RAB3C: variants seen among roughly 807,000 people sequenced by gnomAD.
RAB3C encodes the protein ras-related protein Rab-3C.
Under a neutral mutation model 26.4 loss-of-function variants are expected in RAB3C, and 17 were observed. The ratio of observed to expected loss-of-function variants is 0.64; its 90% CI spans 0.44 to 0.97. The LOEUF (loss-of-function observed/expected upper bound fraction) is 0.97, where lower values mean the gene tolerates loss of function less well. Ranked by LOEUF, RAB3C falls within the 50% of genes least tolerant of loss-of-function variation. The probability of loss-of-function intolerance (pLI) is 0.00; values close to 1 mark genes in which losing one functional copy is unlikely to be tolerated. For synonymous variants in RAB3C, 91 were observed against 95.9 expected (o/e 0.95, Z 0.30); for missense variants, 242 against 281.9 (o/e 0.86, Z 1.01).
chr5:58,815,341 G>A (rs1357565134), intron 3 of RAB3C, among the ~76,000 whole-genome samples: 2 of 152,124 alleles, frequency 1.3e-5, no homozygotes, highest in African/African-American at 4.8e-5. Flanking sequence ...CAAAATGAAG[G>A]TGCTGGACTG....
chr5:58,678,036 T>A (rs1439801315), intron 2 of RAB3C, among the ~76,000 whole-genome samples: 1 of 142,486 alleles, frequency 7.0e-6, no homozygotes, highest in African/African-American at 2.5e-5. Flanking sequence ...GGTACATATG[T>A]TGGGGAAGTG....
intron 2 of RAB3C, among the ~76,000 whole-genome samples, chr5:58,687,988 A>T (rs1748481646): frequency 6.6e-6 from 1 of 152,138 alleles, no homozygotes; most frequent in African/African-American, 2.4e-5. Flanking sequence ...ACACTAGATG[A>T]ATATGATATT....
At chr5:58,729,793 T>C (rs1197735894) in intron 3 of RAB3C, among the ~76,000 whole-genome samples, 1 of 146,364 alleles carries the variant, frequency 6.8e-6, no homozygotes, top group African/African-American at 2.5e-5. Context: ...TATATTTATA[T>C]TATATATACA....
intron 1 of RAB3C, among the ~76,000 whole-genome samples, chr5:58,590,625 C>A (rs891769724): frequency 6.6e-6 from 1 of 152,120 alleles, no homozygotes; most frequent in African/African-American, 2.4e-5. Context: ...TCATTGCAAT[C>A]TCTACCTCCT....
intron 2 of RAB3C, among the ~76,000 whole-genome samples, chr5:58,696,563 G>C (rs1290654668): frequency 6.6e-6 from 1 of 152,064 alleles, no homozygotes; most frequent in East Asian, 1.9e-4. Flanking sequence ...GACTCTTTTT[G>C]TTTGGTAGGC....
At chr5:58,757,965 G>A (rs1431181242) in intron 3 of RAB3C, among the ~76,000 whole-genome samples, 9 of 148,816 alleles carry the variant, frequency 6.0e-5, no homozygotes, top group African/African-American at 1.7e-4. Flanking sequence ...TTTTTGAGAC[G>A]GAGTCTCGCT....
At chr5:58,708,081 C>G (rs538713001) in intron 2 of RAB3C, among the ~76,000 whole-genome samples, 1 of 151,498 alleles carries the variant, frequency 6.6e-6, no homozygotes, top group South Asian at 2.1e-4. Flanking sequence ...GCCTCAAACT[C>G]CTGGGTTTAA....
At chr5:58,697,552 G>T (rs537161987) in intron 2 of RAB3C, among the ~76,000 whole-genome samples, 1 of 152,130 alleles carries the variant, frequency 6.6e-6, no homozygotes, top group Non-Finnish European at 1.5e-5. Context: ...TATTGTGTGG[G>T]AGTCTAAGTT....
intron 3 of RAB3C, among the ~76,000 whole-genome samples, chr5:58,774,873 T>G (rs1026928420): frequency 4.6e-5 from 7 of 151,652 alleles, no homozygotes; most frequent in African/African-American, 7.3e-5. Context: ...GAGCGAGAGG[T>G]GGAACTTTAG....
intron 3 of RAB3C, among the ~76,000 whole-genome samples, chr5:58,763,867 A>G (rs975058063): frequency 1.3e-5 from 2 of 152,154 alleles, no homozygotes; most frequent in African/African-American, 4.8e-5. Flanking sequence ...GATGCACTGG[A>G]CTATTGAGAA....
intron 2 of RAB3C, among the ~76,000 whole-genome samples, chr5:58,704,120 A>G (rs983930447): frequency 3.3e-5 from 5 of 152,184 alleles, no homozygotes; most frequent in African/African-American, 1.2e-4. Flanking sequence ...ACTTTACTAT[A>G]TCTGCTGGCT....
At chr5:58,665,012 T>G (rs1747975796) in intron 2 of RAB3C, among the ~76,000 whole-genome samples, 1 of 152,160 alleles carries the variant, frequency 6.6e-6, no homozygotes, top group Non-Finnish European at 1.5e-5. Context: ...TCTAGTTTAC[T>G]CCCTCCCTTA....
intron 2 of RAB3C, among the ~76,000 whole-genome samples, chr5:58,649,731 A>G (rs145332152): frequency 1.9e-3 from 295 of 152,150 alleles, no homozygotes; most frequent in African/African-American, 6.7e-3. Context: ...TCCTCCCACA[A>G]AGAGAGATTT....
At chr5:58,714,431 A>G (rs1749125753) in intron 2 of RAB3C, among the ~76,000 whole-genome samples, 3 of 152,172 alleles carry the variant, frequency 2.0e-5, no homozygotes, top group South Asian at 4.1e-4. Context: ...AGAAGTATTT[A>G]TTACCGGCAG....
intron 2 of RAB3C, among the ~76,000 whole-genome samples, chr5:58,723,668 T>C (rs1270483400): frequency 6.6e-6 from 1 of 151,756 alleles, no homozygotes; most frequent in Non-Finnish European, 1.5e-5. Flanking sequence ...TTCCCAATAG[T>C]GACCTTATGA....
At chr5:58,661,462 C>A (rs763112251) in intron 2 of RAB3C, among the ~76,000 whole-genome samples, 4 of 149,878 alleles carry the variant, frequency 2.7e-5, no homozygotes, top group Non-Finnish European at 2.9e-5. Context: ...TCTTTGTTTA[C>A]ATTTTTTTCA....
chr5:58,732,711 G>GGA (rs1741053007), intron 3 of RAB3C, among the ~76,000 whole-genome samples: 1 of 152,176 alleles, frequency 6.6e-6, no homozygotes. Context: ...GCCTTTGATA[G>GGA]GAGCTGGATA....
intron 2 of RAB3C, among the ~76,000 whole-genome samples, chr5:58,716,008 A>G (rs562069606): frequency 1.3e-5 from 2 of 150,558 alleles, no homozygotes; most frequent in Non-Finnish European, 3.0e-5. Flanking sequence ...GTGCACATGT[A>G]CCCTATAACT....
At chr5:58,719,605 G>A (rs1272108455) in intron 2 of RAB3C, among the ~76,000 whole-genome samples, 1 of 151,944 alleles carries the variant, frequency 6.6e-6, no homozygotes, top group African/African-American at 2.4e-5. Flanking sequence ...CAGTTCCAGA[G>A]GCTGGAAGTT....
Sources: gnomAD v4.1 joint callset for allele counts (sites outside exome capture counted in the v4.1 genomes callset) on GRCh38, gnomAD v4.1.1 for gene constraint, MANE v1.5 for transcripts, NCBI Gene and HGNC (gene_info 2026-07-23, HGNC 2026-07-21) for gene names.